The following DPCD variants were observed in gnomAD, a reference collection of about 807,000 sequenced individuals.
DPCD encodes protein DPCD.
A neutral mutation model predicts 26.4 loss-of-function variants in DPCD; 20 were observed. That is an observed-to-expected ratio of 0.76 (90% confidence interval 0.53 to 1.10). DPCD has a LOEUF of 1.10. DPCD is among the 50% of genes least tolerant of loss of function. The probability of loss-of-function intolerance (pLI) is 0.00; values close to 1 mark genes in which losing one functional copy is unlikely to be tolerated. For synonymous variants in DPCD, 97 were observed against 94.2 expected (o/e 1.03, Z -0.17); for missense variants, 202 against 253.9 (o/e 0.80, Z 1.39).
At chr10:101,588,662 CAT>C in intron 1 of DPCD, 1 of 1,288,340 alleles carries the variant, frequency 7.8e-7, no homozygotes, top group Non-Finnish European at 9.9e-7. Context: ...CTTTTACATT[CAT>C]TATCTCATTT....
At chr10:101,588,678 C>T in intron 1 of DPCD, 4 of 1,239,174 alleles carry the variant, frequency 3.2e-6, no homozygotes, top group Non-Finnish European at 4.1e-6. Flanking sequence ...CTCATTTGCT[C>T]CTCACCACTG....
At chr10:101,602,355 G>A (rs1173847644) in intron 4 of DPCD, among the ~76,000 whole-genome samples, 1 of 152,188 alleles carries the variant, frequency 6.6e-6, no homozygotes, top group Admixed American at 6.5e-5. Flanking sequence ...GGGAAGCAGG[G>A]TAGCTCCCAG....
At chr10:101,598,160 G>A (rs1222169697) in intron 2 of DPCD, among the ~76,000 whole-genome samples, 1 of 152,084 alleles carries the variant, frequency 6.6e-6, no homozygotes, top group Non-Finnish European at 1.5e-5. Flanking sequence ...ACCCTGGGGT[G>A]GTTGTCGTCC....
intron 2 of DPCD, among the ~76,000 whole-genome samples, chr10:101,595,592 T>A (rs1352151418): frequency 5.9e-5 from 9 of 152,208 alleles, no homozygotes; most frequent in Non-Finnish European, 1.2e-4. Flanking sequence ...TCTTTTTCCT[T>A]TTTTCTGACA....
intron 2 of DPCD, among the ~76,000 whole-genome samples, chr10:101,597,441 T>C (rs778767484): frequency 1.3e-5 from 2 of 152,210 alleles, no homozygotes; most frequent in Non-Finnish European, 2.9e-5. Flanking sequence ...AATGTAATTA[T>C]CCACATTGGA....
At chr10:101,595,223 C>T (rs1411644158) in intron 2 of DPCD, among the ~76,000 whole-genome samples, 1 of 152,198 alleles carries the variant, frequency 6.6e-6, no homozygotes, top group Non-Finnish European at 1.5e-5. Flanking sequence ...AAGAACATCT[C>T]AGTCAAAGAG....
chr10:101,588,950 T>G (rs2063538828), intron 1 of DPCD, among the ~76,000 whole-genome samples: 1 of 152,244 alleles, frequency 6.6e-6, no homozygotes, highest in Admixed American at 6.5e-5. Flanking sequence ...ATATTTTCTG[T>G]GTCTTTAGGG....
chr10:101,589,760 C>T (rs980674318), intron 1 of DPCD, among the ~76,000 whole-genome samples: 3 of 152,054 alleles, frequency 2.0e-5, no homozygotes, highest in Non-Finnish European at 4.4e-5. Context: ...GGTGCGCACC[C>T]GTAATTCCAG....
At chr10:101,596,807 T>C (rs938613489) in intron 2 of DPCD, among the ~76,000 whole-genome samples, 3 of 152,154 alleles carry the variant, frequency 2.0e-5, no homozygotes, top group African/African-American at 7.2e-5. Flanking sequence ...AGGGACATGG[T>C]TTTTGTGGCA....
Position 101,600,900 on chromosome 10 carries a change from G to A in DPCD, c.270+38G>A. The A allele has an allele frequency of 6.2e-7, 1 of 1,613,094 alleles. No homozygotes were observed. The highest frequency in any genetic ancestry group is 8.5e-7 in the Non-Finnish European group (1 of 1,179,792). On this transcript the variant is annotated intron_variant, in intron 3 of 5. Transcript: ENST00000370151. The surrounding 1 kb of genome is among the most constrained non-coding windows in gnomAD (Gnocchi z 4.7). Reference sequence around the variant, plus strand: ...GTCCAGGTGTCTTGCACGGACTGAGGTGGGGGTGGGCTGTGGGCTGCTGGC... The same window carrying A: ...GTCCAGGTGTCTTGCACGGACTGAGATGGGGGTGGGCTGTGGGCTGCTGGC...
Position 101,600,187 on chromosome 10 carries a change from T to A in DPCD, c.146-551T>A, listed in dbSNP as rs1367140917. ...TTTGTTTAAATGCAGCTTTGGAGCGTTTTTTTGTTTTTGCTTTTTTCTTTT... is the reference window on the plus strand; with the variant it reads ...TTTGTTTAAATGCAGCTTTGGAGCGATTTTTTGTTTTTGCTTTTTTCTTTT... On this transcript the variant is annotated intron_variant, in intron 2 of 5. Coordinates refer to ENST00000370151, the MANE Select transcript of DPCD (RefSeq NM_015448.3). The surrounding 1 kb of genome is among the most constrained non-coding windows in gnomAD (Gnocchi z 4.7). Among the ~76,000 whole-genome samples, 1 of 152,104 alleles carries A rather than the reference T, an allele frequency of 6.6e-6. No individual in the cohort carries two copies. The highest frequency in any genetic ancestry group is 2.4e-5 in the African/African-American group (1 of 41,434).
At chr10:101,593,391 A>G (rs1442635850) in intron 1 of DPCD, among the ~76,000 whole-genome samples, 1 of 152,166 alleles carries the variant, frequency 6.6e-6, no homozygotes, top group African/African-American at 2.4e-5. Flanking sequence ...GGACAGGAAA[A>G]AGGCACCTTG....
chr10:101,608,861 A>G lies in DPCD; in HGVS notation c.431A>G (p.Asp144Gly). 6.2e-7 allele frequency: 1 copy of G among 1,613,598 alleles called. No homozygotes were observed. Among genetic ancestry groups the G allele is most frequent in the Non-Finnish European group, 8.5e-7 (1 of 1,179,838 alleles). ...KKYYKKFSIP[D>G]LDRHQLPLDD... The stretch of plus-strand genomic sequence containing the variant: ...TACTACAAGAAGTTCTCCATTCCTG[A>G]TCTAGATAGACACCAGCTACCTCTG... The change falls in exon 5 of 6, where the codon GAT (aspartate) becomes GGT (glycine). Residue 144 changes from aspartate (D) to glycine (G), a missense_variant. Asp to Gly is a moderately conservative substitution (Grantham distance 94). Transcript: ENST00000370151.
chr10:101,599,383 A>G (rs936570135), intron 2 of DPCD, among the ~76,000 whole-genome samples: 4 of 152,034 alleles, frequency 2.6e-5, no homozygotes, highest in African/African-American at 4.8e-5. Flanking sequence ...TTTGTGGGGG[A>G]AAAAAGTTGC....
At chr10:101,601,974 T>C (rs2063701786) in intron 4 of DPCD, among the ~76,000 whole-genome samples, 2 of 152,122 alleles carry the variant, frequency 1.3e-5, no homozygotes, top group African/African-American at 2.4e-5. Context: ...GGACAGAAGG[T>C]GGCCACAGTG....
At chr10:101,591,109 A>C (rs1192423793) in intron 1 of DPCD, among the ~76,000 whole-genome samples, 1 of 152,206 alleles carries the variant, frequency 6.6e-6, no homozygotes, top group Admixed American at 6.5e-5. Flanking sequence ...TGCCTGGAAG[A>C]GGTGGGCACA....
rs71016333 is a variant in DPCD at position 101,598,611 on chromosome 10, CTTTTTTTTTTTTTT to C, written c.146-2110_146-2097del. On this transcript the variant is annotated intron_variant, in intron 2 of 5. Transcript: ENST00000370151. ...AATACAGACATTGGGTAGATGCTTT[CTTTTTTTTTTTTTT>C]TTTTTTTTTTTTTTTTGAGACGGAG... is the stretch of plus-strand genomic sequence containing the variant. Among the ~76,000 whole-genome samples, 1,148 of 75,050 alleles carry C rather than the reference CTTTTTTTTTTTTTT, an allele frequency of 0.015. 55 individuals are homozygous for C. The East Asian group carries it at 0.18, about 12-fold the overall frequency. 49.2% of individuals were successfully genotyped at this position (75,050 alleles called of 152,430 possible).
In DPCD at chr10:101,600,469, C is replaced by T. The variant is rs149257969; in HGVS notation, c.146-269C>T. Among the ~76,000 whole-genome samples, 1,069 of 152,300 alleles carry T rather than the reference C, an allele frequency of 7.0e-3. 5 individuals are homozygous for T. Among genetic ancestry groups the T allele is most frequent in the Middle Eastern group, 0.02 (6 of 294 alleles). On this transcript the variant is annotated intron_variant, in intron 2 of 5. Transcript: ENST00000370151. The surrounding 1 kb of genome is among the most constrained non-coding windows in gnomAD (Gnocchi z 4.7). ...TTTCTTGACTCCACTTGGCTCTTCT[C>T]AGAGCTTCATTCCAGTTCCTTTTGC...
intron 2 of DPCD, among the ~76,000 whole-genome samples, chr10:101,595,904 C>A (rs551010560): frequency 6.6e-6 from 1 of 152,172 alleles, no homozygotes; most frequent in Non-Finnish European, 1.5e-5. Context: ...CAGGGGAGAA[C>A]TTATGAAAGC....
Sources: allele counts gnomAD v4.1 joint callset (sites outside exome capture counted in the v4.1 genomes callset), GRCh38; gene constraint gnomAD v4.1.1; non-coding constraint Gnocchi (gnomAD v3.1); transcripts MANE v1.5; gene names NCBI Gene and HGNC (gene_info 2026-07-23, HGNC 2026-07-21).